ZNF727: variants seen among roughly 807,000 people sequenced by gnomAD.
ZNF727 encodes the protein putative zinc finger protein 727.
ZNF727 carries 11 observed loss-of-function variants against 11.5 expected under a neutral mutation model. The ratio of observed to expected loss-of-function variants is 0.95; its 90% CI spans 0.60 to 1.58. ZNF727 has a LOEUF of 1.58. Among genes scored for constraint, ZNF727 ranks in the 40% most tolerant of loss-of-function variants. The probability of loss-of-function intolerance (pLI) is 0.00; values close to 1 mark genes in which losing one functional copy is unlikely to be tolerated. For synonymous variants in ZNF727, 171 were observed against 196.1 expected, an observed-to-expected ratio of 0.87 and a Z score of 1.07; for missense variants, 533 against 581.7, an observed-to-expected ratio of 0.92 and a Z score of 0.86.
intron 1 of ZNF727, among the ~76,000 whole-genome samples, chr7:64,064,035 C>T (rs1224017631): frequency 1.3e-5 from 2 of 152,124 alleles, no homozygotes; most frequent in African/African-American, 2.4e-5. Context: ...GTGGGTTCTT[C>T]TCTGGCTCAG....
rs1429132099 is a variant in ZNF727, at chr7:64,080,517, T to C, written c.*1968T>C. Among the ~76,000 whole-genome samples, 1 of 152,208 alleles carries C rather than the reference T, an allele frequency of 6.6e-6. No individual in the cohort carries two copies. Among genetic ancestry groups the C allele is most frequent in the African/African-American group, 2.4e-5 (1 of 41,458 alleles). ...CTATCATGTTGGCCATATTTTTCTC[T>C]AGACTGGCTGTTTTTTCCATCACTT... On this transcript the variant is annotated 3_prime_UTR_variant, in exon 4 of 4. Transcript: ENST00000456806.
intron 1 of ZNF727, among the ~76,000 whole-genome samples, chr7:64,053,703 C>G (rs2116276101): frequency 6.6e-6 from 1 of 152,238 alleles, no homozygotes; most frequent in African/African-American, 2.4e-5. Flanking sequence ...AGATGTCACT[C>G]ATTCCTCCTT....
chr7:64,071,666 CA>C (rs550873825), intron 3 of ZNF727, among the ~76,000 whole-genome samples: 5 of 152,072 alleles, frequency 3.3e-5, no homozygotes, highest in Admixed American at 3.3e-4. Flanking sequence ...AATTCATTTT[CA>C]AAACCAATAT....
Position 64,084,832 on chromosome 7 carries a change from G to A in ZNF727, c.*6283G>A, listed in dbSNP as rs1306675865. 6.6e-6 allele frequency among the ~76,000 whole-genome samples: 1 copy of A among 152,030 alleles called. No individual in the cohort carries two copies. Among genetic ancestry groups the A allele is most frequent in the Non-Finnish European group, 1.5e-5 (1 of 67,976 alleles). The stretch of plus-strand genomic sequence containing the variant: ...AGAGAAAATATTCGTATTTGTTTAT[G>A]GTTGTATACCTATTTTGAGAAGAAA... On this transcript the variant is annotated 3_prime_UTR_variant, in exon 4 of 4. Transcript: ENST00000456806.
chr7:64,080,265 C>T lies in ZNF727; in HGVS notation c.*1716C>T, dbSNP rs1302008760. Among the ~76,000 whole-genome samples, 2 of 152,084 alleles carry T rather than the reference C, an allele frequency of 1.3e-5. No homozygotes were observed. The highest frequency in any genetic ancestry group is 2.9e-5 in the Non-Finnish European group (2 of 68,022). The stretch of plus-strand genomic sequence containing the variant: ...ATGTATTTCAAGTTGTTTTCATTCT[C>T]TCCATCACTTTCAAGCACTCTCTTT... On this transcript the variant is annotated 3_prime_UTR_variant, in exon 4 of 4. Coordinates refer to ENST00000456806, the MANE Select transcript of ZNF727 (RefSeq NM_001159522.3).
chr7:64,052,728 C>CT (rs1474243002), intron 1 of ZNF727, among the ~76,000 whole-genome samples: 1 of 152,174 alleles, frequency 6.6e-6, no homozygotes, highest in Non-Finnish European at 1.5e-5. Context: ...AGGAGGGGGG[C>CT]TATACCCTGC....
At chr7:64,068,796 A>G (rs117285521) in intron 1 of ZNF727, 95 bp from the exon 2 acceptor site, 28,190 of 1,404,040 alleles carry the variant, frequency 0.02, 367 homozygotes, top group Non-Finnish European at 0.024. Context: ...AGTAACTCAT[A>G]TAAGTCAGAA....
chr7:64,061,749 C>A (rs1321206121), intron 1 of ZNF727, among the ~76,000 whole-genome samples: 1 of 151,858 alleles, frequency 6.6e-6, no homozygotes, highest in Non-Finnish European at 1.5e-5. Flanking sequence ...AGTATCTTCT[C>A]TCTCTTTTTC....
Position 64,082,318 on chromosome 7 carries a change from C to T in ZNF727, c.*3769C>T, listed in dbSNP as rs1441246922. ...TGAGAACAGGCACTCACGTAACAGT[C>T]TGGCCACTTTTCTGAAGGGCTGCTG... On this transcript the variant is annotated 3_prime_UTR_variant, in exon 4 of 4. Coordinates refer to ENST00000456806, the MANE Select transcript of ZNF727 (RefSeq NM_001159522.3). 6.6e-6 allele frequency among the ~76,000 whole-genome samples: 1 copy of T among 152,196 alleles called. No individual in the cohort carries two copies.
intron 3 of ZNF727, among the ~76,000 whole-genome samples, chr7:64,071,547 A>G (rs550296011): frequency 2.0e-5 from 3 of 151,908 alleles, no homozygotes; most frequent in Admixed American, 6.6e-5. Flanking sequence ...CTTATCGGAT[A>G]TGGTTTTCTT....
At chr7:64,064,560 TG>T (rs1426507103) in intron 1 of ZNF727, among the ~76,000 whole-genome samples, 1 of 152,200 alleles carries the variant, frequency 6.6e-6, no homozygotes, top group East Asian at 1.9e-4. Flanking sequence ...TGCCTGTGCC[TG>T]GGGTAAGGAT....
intron 3 of ZNF727, among the ~76,000 whole-genome samples, chr7:64,075,247 TATA>T (rs1364665565): frequency 3.3e-5 from 5 of 152,138 alleles, no homozygotes; most frequent in Non-Finnish European, 7.4e-5. Context: ...TATTTAGTAA[TATA>T]ATGCTTTGCT....
rs1472812072 is a variant in ZNF727, at chr7:64,085,206, GTA to G, written c.*6659_*6660del. ...GTAATTTCACACTGAGTGTATTATT[GTA>G]TGTTATTTAGTATATTTTACATTTT... On this transcript the variant is annotated 3_prime_UTR_variant, in exon 4 of 4. Coordinates refer to ENST00000456806, the MANE Select transcript of ZNF727 (RefSeq NM_001159522.3). Among the ~76,000 whole-genome samples, 1 of 151,942 alleles carries G rather than the reference GTA, an allele frequency of 6.6e-6. No individual in the cohort carries two copies. The highest frequency in any genetic ancestry group is 1.5e-5 in the Non-Finnish European group (1 of 67,944).
rs750261277 is a variant in ZNF727 at position 64,078,423 on chromosome 7, CA to C, written c.1378del (p.Thr460ProfsTer30). 9 of 1,591,096 alleles carry C rather than the reference CA, an allele frequency of 5.7e-6. No individual in the cohort carries two copies. In the South Asian group the frequency reaches 9.1e-5, roughly 16 times the overall value. ...AGCCCTACAAATGTGAAGAATGTGG[CA>C]AAACCTTTACCTGCTCCTCAAGCCT... ...EKPYKCEECG[K>X]TFTCSSSLIK... On this transcript the variant is annotated frameshift_variant, in exon 4 of 4. Transcript: ENST00000456806. LOFTEE classifies it low-confidence loss of function (END_TRUNC).
chr7:64,067,772 C>T (rs1482283973), intron 1 of ZNF727, among the ~76,000 whole-genome samples: 1 of 151,906 alleles, frequency 6.6e-6, no homozygotes, highest in Non-Finnish European at 1.5e-5. Context: ...AGCATTAGGA[C>T]AAATACCTAA....
intron 1 of ZNF727, among the ~76,000 whole-genome samples, chr7:64,053,604 C>A (rs1356590246): frequency 6.6e-6 from 1 of 152,034 alleles, no homozygotes; most frequent in Non-Finnish European, 1.5e-5. Flanking sequence ...CAGGCGTGAG[C>A]CACTGCACTG....
Position 64,077,808 on chromosome 7 carries a change from C to T in ZNF727, c.759C>T (p.Asp253=). Residue 253 remains aspartate, a synonymous_variant, in exon 4 of 4, where the codon GAC becomes GAT. Coordinates refer to ENST00000456806, the MANE Select transcript of ZNF727 (RefSeq NM_001159522.3). ...AACACAAGAGAAATCATACTGGAGA[C>T]AGACCCTACAAATGCGAAGAATGTC... ...LTKHKRNHTG[D]RPYKCEECHK... 3.2e-6 allele frequency: 5 copies of T among 1,569,084 alleles called. No homozygotes were observed. The Middle Eastern group carries it at 5.0e-4, about 157-fold the overall frequency.
chr7:64,053,302 GTTT>G lies in ZNF727; in HGVS notation c.3+7682_3+7684del, dbSNP rs940266946. On this transcript the variant is annotated intron_variant, in intron 1 of 3. Transcript: ENST00000456806. ...GAATAAGTCTCATGAGATCTGATAG[GTTT>G]TTTGTTGTTGTTGTTGTTGTTGATT... 3.3e-5 allele frequency among the ~76,000 whole-genome samples: 5 copies of G among 151,510 alleles called. 1 individual carries two copies. In the South Asian group the frequency reaches 1.0e-3, roughly 32 times the overall value.
intron 3 of ZNF727, among the ~76,000 whole-genome samples, chr7:64,072,713 T>G (rs1464136789): frequency 6.6e-6 from 1 of 152,098 alleles, no homozygotes; most frequent in African/African-American, 2.4e-5. Flanking sequence ...GAATTTTAAG[T>G]GGGTCAAAAT....
Sources: gnomAD v4.1 joint callset for allele counts (sites outside exome capture counted in the v4.1 genomes callset) on GRCh38, gnomAD v4.1.1 for gene constraint, MANE v1.5 for transcripts, NCBI Gene and HGNC (gene_info 2026-07-23, HGNC 2026-07-21) for gene names.